The following SNAP25 variants were observed in gnomAD, a reference collection of about 807,000 sequenced individuals.
The protein encoded by SNAP25 is synaptosome associated protein 25, also known as synaptosomal-associated protein 25.
A neutral mutation model predicts 28.7 loss-of-function variants in SNAP25; 3 were observed. The observed-to-expected ratio is 0.10, with a 90% CI of 0.05 to 0.27. The LOEUF (loss-of-function observed/expected upper bound fraction) is 0.27. Among genes scored for constraint, SNAP25 ranks in the 10% least tolerant of loss-of-function variants. SNAP25 has a pLI of 1.00. For synonymous variants in SNAP25, 61 were observed against 88.1 expected (o/e 0.69, Z 1.72); for missense variants, 117 against 278.7 (o/e 0.42, Z 4.13).
At chr20:10,224,257 CTTTTTTTTTTTTTTT>C (rs71332917) in intron 1 of SNAP25, among the ~76,000 whole-genome samples, 13 of 17,432 alleles carry the variant, frequency 7.5e-4, no homozygotes, top group South Asian at 4.2e-3. Context: ...ATGTACATGT[CTTTTTTTTTTTTTTT>C]TTTTTTTTTT....
intron 4 of SNAP25, among the ~76,000 whole-genome samples, chr20:10,290,089 C>T (rs180931691): frequency 8.7e-4 from 133 of 152,134 alleles, no homozygotes; most frequent in Middle Eastern, 3.4e-3. Flanking sequence ...CTGGATGGTG[C>T]GTTGCATCAG....
At chr20:10,269,893 C>A (rs560799456) in intron 1 of SNAP25, among the ~76,000 whole-genome samples, 1 of 152,340 alleles carries the variant, frequency 6.6e-6, no homozygotes, top group African/African-American at 2.4e-5. Context: ...GGATTTGGCC[C>A]GTGGGCCCTA....
intron 1 of SNAP25, among the ~76,000 whole-genome samples, chr20:10,248,561 C>T (rs1418982206): frequency 6.6e-6 from 1 of 152,112 alleles, no homozygotes; most frequent in Non-Finnish European, 1.5e-5. Context: ...AGAATGTCTG[C>T]TAACTGCTTT....
intron 1 of SNAP25, among the ~76,000 whole-genome samples, chr20:10,270,075 G>C (rs58444733): frequency 6.6e-6 from 1 of 151,946 alleles, no homozygotes; most frequent in Non-Finnish European, 1.5e-5. Context: ...CCAACATGGA[G>C]AAACCCCGTC....
intron 1 of SNAP25, among the ~76,000 whole-genome samples, chr20:10,256,360 A>G (rs1292309788): frequency 6.6e-6 from 1 of 152,230 alleles, no homozygotes; most frequent in Non-Finnish European, 1.5e-5. Flanking sequence ...GATGTTGAAA[A>G]AGGAGCTGTT....
intron 1 of SNAP25, among the ~76,000 whole-genome samples, chr20:10,248,675 A>G (rs569593933): frequency 6.6e-6 from 1 of 152,346 alleles, no homozygotes; most frequent in East Asian, 1.9e-4. Flanking sequence ...CACAGCAAGT[A>G]AGTAGTAGAG....
At chr20:10,236,615 G>C (rs992567724) in intron 1 of SNAP25, among the ~76,000 whole-genome samples, 1 of 152,024 alleles carries the variant, frequency 6.6e-6, no homozygotes, top group Non-Finnish European at 1.5e-5. Context: ...TGCCCAATGA[G>C]CACTTTGGTA....
chr20:10,264,279 G>T (rs1021955135), intron 1 of SNAP25, among the ~76,000 whole-genome samples: 13 of 152,136 alleles, frequency 8.5e-5, no homozygotes, highest in Admixed American at 3.3e-4. Context: ...CTTCTCAGAA[G>T]AAACCAGATC....
intron 1 of SNAP25, among the ~76,000 whole-genome samples, chr20:10,239,449 T>C (rs963175494): frequency 1.3e-5 from 2 of 152,248 alleles, no homozygotes; most frequent in Non-Finnish European, 2.9e-5. Flanking sequence ...GGAACACAAT[T>C]GAATTCTTTC....
chr20:10,246,325 G>A (rs2063126365), intron 1 of SNAP25, among the ~76,000 whole-genome samples: 1 of 152,220 alleles, frequency 6.6e-6, no homozygotes, highest in Non-Finnish European at 1.5e-5. Context: ...TGTGAGGTGA[G>A]GGGAGAAGGT....
At chr20:10,284,451 A>C (rs906490859) in intron 3 of SNAP25, among the ~76,000 whole-genome samples, 2 of 152,132 alleles carry the variant, frequency 1.3e-5, no homozygotes, top group African/African-American at 4.8e-5. Flanking sequence ...GTGTATTCTG[A>C]TTTCATGCAG....
intron 5 of SNAP25, 195 bp from the exon 6 acceptor site, chr20:10,296,727 ATTG>A (rs1311330726): frequency 1.6e-6 from 1 of 640,308 alleles, no homozygotes; most frequent in African/African-American, 1.9e-5. Flanking sequence ...AATGGATTCG[ATTG>A]GAAGTGAAAT....
At chr20:10,268,779 C>A (rs971382285) in intron 1 of SNAP25, among the ~76,000 whole-genome samples, 1 of 152,116 alleles carries the variant, frequency 6.6e-6, no homozygotes, top group Non-Finnish European at 1.5e-5. Flanking sequence ...GAATAAAGAG[C>A]TTTTCAAATT....
chr20:10,307,000 C>T lies in SNAP25; in HGVS notation c.*803C>T, dbSNP rs1568635834. The T allele has an allele frequency of 6.6e-6, 1 of 152,530 alleles. No individual in the cohort carries two copies. Among genetic ancestry groups the T allele is most frequent in the Non-Finnish European group, 1.5e-5 (1 of 68,050 alleles). 9.4% of individuals were successfully genotyped at this position (152,530 alleles called of 1,614,324 possible). On this transcript the variant is annotated 3_prime_UTR_variant, in exon 8 of 8. Transcript: ENST00000254976. ...TTTTAAAAAAGATGGATTTGACACA[C>T]TCACCATTTAATCATTTCCAGCAAA...
intron 4 of SNAP25, among the ~76,000 whole-genome samples, chr20:10,285,424 T>C (rs1454820804): frequency 6.6e-6 from 1 of 152,226 alleles, no homozygotes; most frequent in East Asian, 1.9e-4. Flanking sequence ...AATACCATCA[T>C]TTTTCTTCAT....
chr20:10,286,690 A>G (rs532426742), intron 4 of SNAP25, among the ~76,000 whole-genome samples: 2 of 152,310 alleles, frequency 1.3e-5, no homozygotes, highest in South Asian at 2.1e-4. Flanking sequence ...ATTTATTTGT[A>G]TTAAACTTTT....
chr20:10,275,197 A>T (rs1193483001), intron 1 of SNAP25, among the ~76,000 whole-genome samples: 3 of 152,292 alleles, frequency 2.0e-5, no homozygotes, highest in South Asian at 4.1e-4. Flanking sequence ...TCTCTTTAAA[A>T]ATATTTCATC....
intron 4 of SNAP25, among the ~76,000 whole-genome samples, chr20:10,291,856 T>C (rs1258537302): frequency 6.6e-6 from 1 of 152,266 alleles, no homozygotes; most frequent in African/African-American, 2.4e-5. Flanking sequence ...AGACATCCAT[T>C]GCTGCCTTCC....
chr20:10,265,410 A>G (rs2063490258), intron 1 of SNAP25, among the ~76,000 whole-genome samples: 1 of 152,188 alleles, frequency 6.6e-6, no homozygotes, highest in Non-Finnish European at 1.5e-5. Context: ...GAGAAGAATA[A>G]TTTATCAGCA....
Sources: gnomAD v4.1 joint callset for allele counts (sites outside exome capture counted in the v4.1 genomes callset) on GRCh38, gnomAD v4.1.1 for gene constraint, MANE v1.5 for transcripts, NCBI Gene and HGNC (gene_info 2026-07-23, HGNC 2026-07-21) for gene names.